URB1: variants seen among roughly 807,000 people sequenced by gnomAD.
URB1 encodes nucleolar pre-ribosomal-associated protein 1.
A neutral mutation model predicts 242.3 loss-of-function variants in URB1; 197 were observed. That is an observed-to-expected ratio of 0.81 (90% CI 0.72 to 0.91). URB1 has a LOEUF of 0.91. URB1 is among the 40% of genes least tolerant of loss of function. The pLI is 0.00. For synonymous variants in URB1, 1,153 were observed against 1,201.8 expected, an observed-to-expected ratio of 0.96 and a Z score of 0.84; for missense variants, 2,721 against 2,860.5, an observed-to-expected ratio of 0.95 and a Z score of 1.11.
In URB1 at chr21:32,354,251, A is replaced by C. The variant is rs1363614620; in HGVS notation, c.2246-148T>G. 3.8e-6 allele frequency: 3 copies of C among 799,624 alleles called. No individual in the cohort carries two copies. The South Asian group carries it at 5.7e-5, about 15-fold the overall frequency. 49.5% of individuals were successfully genotyped at this position (799,624 alleles called of 1,614,324 possible). ...GGAGCATTTAACATAGTTTGACCCT[A>C]AACAGACAAAAACATTGCCTATGAA... On this transcript the variant is annotated intron_variant, in intron 17 of 38. Transcript: ENST00000382751.
intron 8 of URB1, among the ~76,000 whole-genome samples, chr21:32,371,406 G>A (rs942354524): frequency 2.0e-5 from 3 of 152,078 alleles, no homozygotes; most frequent in Admixed American, 1.3e-4. Flanking sequence ...TTAAAAAGGG[G>A]GAACAATGCA....
chr21:32,316,800 T>G lies in URB1; in HGVS notation c.6300A>C (p.Ala2100=). The G allele has an allele frequency of 6.5e-7, 1 of 1,547,652 alleles. No homozygotes were observed. The highest frequency in any genetic ancestry group is 1.2e-5 in the South Asian group (1 of 83,830). The change falls in exon 38 of 39, where the codon GCA becomes GCC. Residue 2100 remains alanine, a synonymous_variant. Coordinates refer to ENST00000382751, the MANE Select transcript of URB1 (RefSeq NM_014825.3). ...PGPVYAAASL[A]VSWVLRSVAE... is the part of the protein sequence containing the mutation. The stretch of plus-strand genomic sequence containing the variant: ...CCACCGACCGCAGCACCCAACTGAC[T>G]GCCAGGGAAGCGGCAGCATATACGG...
intron 9 of URB1, among the ~76,000 whole-genome samples, chr21:32,367,253 A>G (rs1481484411): frequency 6.6e-6 from 1 of 152,206 alleles, no homozygotes; most frequent in Admixed American, 6.5e-5. Flanking sequence ...ATAGCTAGTA[A>G]GCAGCCAAGT....
intron 7 of URB1, among the ~76,000 whole-genome samples, chr21:32,372,983 G>C (rs2033422274): frequency 6.6e-6 from 1 of 152,122 alleles, no homozygotes; most frequent in South Asian, 2.1e-4. Flanking sequence ...GAGGACCTGG[G>C]CAAGTCTCCA....
At chr21:32,337,200 A>C (rs2032969709) in intron 27 of URB1, 43 bp from the exon 28 acceptor site, 1 of 1,544,438 alleles carries the variant, frequency 6.5e-7, no homozygotes. Context: ...TGAACCCCTG[A>C]CACCCTCCTG....
chr21:32,360,661 T>C (rs960743914), intron 13 of URB1, among the ~76,000 whole-genome samples: 1 of 152,206 alleles, frequency 6.6e-6, no homozygotes, highest in East Asian at 1.9e-4. Context: ...ATGTCCCTTC[T>C]GCAGGCCCCT....
rs2032968881 is a variant in URB1, at chr21:32,337,149, T to A, written c.4630A>T (p.Ile1544Phe). The A allele has an allele frequency of 3.2e-6, 5 of 1,551,670 alleles. No homozygotes were observed. The highest frequency in any genetic ancestry group is 4.4e-6 in the Non-Finnish European group (5 of 1,147,006). Residue 1544 changes from isoleucine (I) to phenylalanine (F), a missense_variant, in exon 28 of 39, where the codon ATT (isoleucine) becomes TTT (phenylalanine). Physicochemically the swap from Ile to Phe is conservative, Grantham distance 21 (BLOSUM62 0). Transcript: ENST00000382751. ...TCATACGCTCGAAGCAGAAGTAAAA[T>A]CTTCTGATCTACAAGTCAAAGCAGG... ...GATLSVLDQK[I>F]LLLLRAYEQN...
intron 15 of URB1, 42 bp from the exon 16 acceptor site, chr21:32,355,607 G>T (rs754813077): frequency 6.8e-7 from 1 of 1,479,754 alleles, no homozygotes; most frequent in Non-Finnish European, 9.2e-7. Context: ...AGAACAGAAC[G>T]CGCTTTCTTT....
At chr21:32,340,347 T>C (rs1179899877) in intron 25 of URB1, among the ~76,000 whole-genome samples, 1 of 152,188 alleles carries the variant, frequency 6.6e-6, no homozygotes, top group Non-Finnish European at 1.5e-5. Context: ...CACAGTGGCT[T>C]ACGCCTGTAA....
At chr21:32,350,234 G>A (rs896503699) in intron 20 of URB1, among the ~76,000 whole-genome samples, 2 of 152,086 alleles carry the variant, frequency 1.3e-5, no homozygotes, top group African/African-American at 4.8e-5. Context: ...AGGAGTTTGA[G>A]ACCAGCCTGA....
intron 6 of URB1, among the ~76,000 whole-genome samples, chr21:32,374,368 G>GTATA (rs1339808810): frequency 2.0e-5 from 3 of 152,042 alleles, no homozygotes; most frequent in African/African-American, 7.2e-5. Flanking sequence ...TGTGGCCCAG[G>GTATA]TATATATATT....
At chr21:32,367,952 C>A (rs1015043193) in intron 9 of URB1, among the ~76,000 whole-genome samples, 1 of 152,142 alleles carries the variant, frequency 6.6e-6, no homozygotes, top group Non-Finnish European at 1.5e-5. Flanking sequence ...GATAAGGACA[C>A]CAAATTTACA....
Position 32,315,076 on chromosome 21 carries a change from G to A in URB1, c.6658C>T (p.Leu2220Phe), listed in dbSNP as rs1193391506. 6.5e-7 allele frequency: 1 copy of A among 1,540,696 alleles called. No homozygotes were observed. The highest frequency in any genetic ancestry group is 8.8e-7 in the Non-Finnish European group (1 of 1,139,176). ...CCCAGCCAGATGTCCTTTATGTAGA[G>A]AGACACTAGGAATGCTGCGGAGGCT... ...TQASAAFLVS[L>F]YIKDIWLGAQ... Residue 2220 changes from leucine to phenylalanine, a missense_variant, in exon 39 of 39, where the codon CTC (leucine) becomes TTC (phenylalanine). Transcript: ENST00000382751.
At position 32,385,615 on chromosome 21, in the gene URB1, T is replaced by C; in HGVS notation, c.212A>G (p.Tyr71Cys). ...GACACACTCAACAGAAATCTTTATA[T>C]ACCCTTCCACAACATCATACACATC... Reference protein sequence around the residue: ...REDVYDVVEGYIKISVECVEI... With the variant: ...REDVYDVVEGCIKISVECVEI... The change falls in exon 2 of 39, where the codon TAT becomes TGT. Residue 71 changes from tyrosine to cysteine, a missense_variant. Coordinates refer to ENST00000382751, the MANE Select transcript of URB1 (RefSeq NM_014825.3). The C allele has an allele frequency of 5.8e-6, 9 of 1,551,916 alleles. No individual in the cohort carries two copies. The highest frequency in any genetic ancestry group is 7.8e-6 in the Non-Finnish European group (9 of 1,147,030).
At chr21:32,333,054 T>C (rs1568812880) in intron 30 of URB1, 1 of 435,766 alleles carries the variant, frequency 2.3e-6, no homozygotes, top group Non-Finnish European at 4.1e-6. Flanking sequence ...CATTAGGAAT[T>C]AGGAAAACAT....
In URB1 at chr21:32,346,313, A is replaced by G. The variant is rs116426522; in HGVS notation, c.3868+643T>C. ...AGCCTCTTTTCTTTATAAATCACTC[A>G]TCCTCAGGTCTTCCGTTATACCAAT... On this transcript the variant is annotated intron_variant, in intron 22 of 38. Transcript: ENST00000382751. Among the ~76,000 whole-genome samples the G allele has an allele frequency of 5.4e-3, 823 of 152,266 alleles. 9 individuals carry two copies. The highest frequency in any genetic ancestry group is 0.019 in the African/African-American group (790 of 41,522).
rs1449585289 is a variant in URB1 at position 32,346,992 on chromosome 21, ACTG to A, written c.3829_3831del (p.Gln1277del). On this transcript the variant is annotated inframe_deletion, in exon 22 of 39. Coordinates refer to ENST00000382751, the MANE Select transcript of URB1 (RefSeq NM_014825.3). ...CGTGTGAAGTGGCTCCGTGTCCTGC[ACTG>A]GAGGTACACATGGATGAGGGGAAGG... 1 of 1,539,278 alleles carries A rather than the reference ACTG, an allele frequency of 6.5e-7. No individual in the cohort carries two copies. Among genetic ancestry groups the A allele is most frequent in the Non-Finnish European group, 8.8e-7 (1 of 1,138,062 alleles).
intron 28 of URB1, among the ~76,000 whole-genome samples, chr21:32,335,908 T>C (rs1223105807): frequency 1.3e-5 from 2 of 152,190 alleles, no homozygotes; most frequent in Non-Finnish European, 2.9e-5. Context: ...GAAACTAGAC[T>C]CCCTTCACAG....
chr21:32,361,031 A>G lies in URB1; in HGVS notation c.1732T>C (p.Phe578Leu), dbSNP rs2033276935. Residue 578 changes from phenylalanine (F) to leucine (L), a missense_variant, in exon 13 of 39, where the codon TTT becomes CTT. Physicochemically the swap from Phe to Leu is conservative, Grantham distance 22 (BLOSUM62 0). Coordinates refer to ENST00000382751, the MANE Select transcript of URB1 (RefSeq NM_014825.3). ...VVPHVVMQYN[F>L]DFSKLLKGVI... The stretch of plus-strand genomic sequence containing the variant: ...CCTTTCAGGAGCTTGCTGAAGTCAA[A>G]GTTGTACTGCATGACCACGTGGGGG... 1.3e-6 allele frequency: 2 copies of G among 1,550,446 alleles called. No homozygotes were observed. Among genetic ancestry groups the G allele is most frequent in the Non-Finnish European group, 1.7e-6 (2 of 1,146,720 alleles).
Sources: allele counts gnomAD v4.1 joint callset (sites outside exome capture counted in the v4.1 genomes callset), GRCh38; gene constraint gnomAD v4.1.1; transcripts MANE v1.5; gene names NCBI Gene and HGNC (gene_info 2026-07-23, HGNC 2026-07-21).